CLEC6A: variants seen among roughly 807,000 people sequenced by gnomAD.
The protein encoded by CLEC6A is C-type lectin domain family 6 member A.
Under a neutral mutation model 25.7 loss-of-function variants are expected in CLEC6A, and 22 were observed. The observed-to-expected ratio is 0.85, with a 90% confidence interval of 0.61 to 1.22. The LOEUF is 1.22. Ranked by LOEUF, CLEC6A falls within the 50% of genes most tolerant of loss-of-function variation. The pLI, the probability that CLEC6A is intolerant of heterozygous loss-of-function variation, is 0.00. For synonymous variants in CLEC6A, 92 were observed against 76.7 expected (o/e 1.20, Z -1.04); for missense variants, 240 against 236.8 (o/e 1.01, Z -0.09).
intron 1 of CLEC6A, 35 bp downstream of exon 1, chr12:8,456,177 G>A: frequency 1.2e-6 from 2 of 1,608,092 alleles, no homozygotes; most frequent in South Asian, 1.1e-5. Flanking sequence ...GAAAGTGGAA[G>A]TGTATGGTGA....
rs889973207 is a variant in CLEC6A at position 8,471,190 on chromosome 12, G to A, written c.370-4935G>A. On this transcript the variant is annotated intron_variant, in intron 4 of 5. Transcript: ENST00000382073. ...TTTTAGTATATTATTGGAGTGGTTT[G>A]TAGTATTCTGCTGAGAGTTTTTATA... is the stretch of plus-strand genomic sequence containing the variant. 3.3e-5 allele frequency among the ~76,000 whole-genome samples: 5 copies of A among 152,106 alleles called. No individual in the cohort carries two copies. The East Asian group carries it at 9.6e-4, about 29-fold the overall frequency.
intron 4 of CLEC6A, among the ~76,000 whole-genome samples, chr12:8,467,747 C>G (rs927118991): frequency 6.6e-6 from 1 of 152,088 alleles, no homozygotes; most frequent in Non-Finnish European, 1.5e-5. Context: ...TGGTAGGGAT[C>G]ACATTGACTC....
At chr12:8,475,083 C>CTT (rs1190293251) in intron 4 of CLEC6A, among the ~76,000 whole-genome samples, 1 of 152,040 alleles carries the variant, frequency 6.6e-6, no homozygotes, top group Non-Finnish European at 1.5e-5. Context: ...CGCCCTGTGT[C>CTT]TAAGTGTTCT....
At chr12:8,476,957 G>A (rs1156518280) in intron 5 of CLEC6A, among the ~76,000 whole-genome samples, 1 of 152,078 alleles carries the variant, frequency 6.6e-6, no homozygotes, top group East Asian at 1.9e-4. Context: ...GAATAAAGAA[G>A]CTTAGGAAGG....
intron 4 of CLEC6A, 27 bp downstream of exon 4, chr12:8,465,656 A>G: frequency 6.3e-7 from 1 of 1,591,352 alleles, no homozygotes; most frequent in Admixed American, 1.7e-5. Flanking sequence ...AAATTTATTT[A>G]ATTGTAGAGA....
chr12:8,476,400 C>A (rs142003978), intron 5 of CLEC6A, among the ~76,000 whole-genome samples, 160 bp downstream of exon 5: 2,066 of 152,198 alleles, frequency 0.014, 31 homozygotes, highest in Middle Eastern at 0.031. Flanking sequence ...ATGAAAACTT[C>A]TCTTTTTATG....
intron 5 of CLEC6A, among the ~76,000 whole-genome samples, chr12:8,476,971 T>C (rs1163988851): frequency 1.3e-5 from 2 of 152,020 alleles, no homozygotes; most frequent in African/African-American, 4.8e-5. Context: ...AGGAAGGTGA[T>C]AAGAATACAT....
At chr12:8,476,595 T>G (rs972533855) in intron 5 of CLEC6A, among the ~76,000 whole-genome samples, 2 of 152,112 alleles carry the variant, frequency 1.3e-5, no homozygotes, top group Non-Finnish European at 2.9e-5. Context: ...ACTTAAAATA[T>G]CTGGGTCAGA....
At chr12:8,477,192 A>C in intron 5 of CLEC6A, 128 bp from the exon 6 acceptor site, 2 of 698,406 alleles carry the variant, frequency 2.9e-6, no homozygotes, top group Non-Finnish European at 4.7e-6. Context: ...GTAGTATGAG[A>C]AGAAGGAACA....
In CLEC6A at chr12:8,477,443, G is replaced by A; in HGVS notation, c.609G>A (p.Glu203=). The A allele has an allele frequency of 6.2e-7, 1 of 1,607,816 alleles. No individual in the cohort carries two copies. The highest frequency in any genetic ancestry group is 8.5e-7 in the Non-Finnish European group (1 of 1,177,130). ...ICETRRNSIC[E]MNKIYL ...AAACTAGAAGGAATTCAATATGTGA[G>A]ATGAATAAGATTTACCTATGAGTAG... Residue 203 remains glutamate, a synonymous_variant, in exon 6 of 6, where the codon GAG becomes GAA. Transcript: ENST00000382073.
At chr12:8,456,939 G>A (rs190291259) in intron 1 of CLEC6A, among the ~76,000 whole-genome samples, 20 of 152,110 alleles carry the variant, frequency 1.3e-4, no homozygotes, top group East Asian at 9.7e-4. Context: ...GTGAAATCCC[G>A]TCTCTAATAA....
chr12:8,459,153 T>C (rs1172175269), intron 2 of CLEC6A, among the ~76,000 whole-genome samples: 1 of 152,140 alleles, frequency 6.6e-6, no homozygotes, highest in African/African-American at 2.4e-5. Context: ...TTTGTGACAG[T>C]TACCCTTGTA....
intron 4 of CLEC6A, among the ~76,000 whole-genome samples, chr12:8,475,468 T>G (rs1939961612): frequency 6.6e-6 from 1 of 151,938 alleles, no homozygotes; most frequent in Non-Finnish European, 1.5e-5. Context: ...CATCTGGAAG[T>G]AGGAGACCTA....
chr12:8,469,184 A>G (rs964244823), intron 4 of CLEC6A, among the ~76,000 whole-genome samples: 1 of 152,166 alleles, frequency 6.6e-6, no homozygotes, highest in East Asian at 1.9e-4. Context: ...AACCCCTTTT[A>G]CAGTAGCTGC....
At chr12:8,462,603 A>T (rs1229429575) in intron 3 of CLEC6A, among the ~76,000 whole-genome samples, 1 of 142,950 alleles carries the variant, frequency 7.0e-6, no homozygotes, top group Non-Finnish European at 1.5e-5. Context: ...ACAGCACTTA[A>T]TTCTTTACCT....
chr12:8,458,649 A>G (rs1424292853), intron 2 of CLEC6A, among the ~76,000 whole-genome samples: 1 of 152,214 alleles, frequency 6.6e-6, no homozygotes, highest in African/African-American at 2.4e-5. Context: ...TAGTTCCCTC[A>G]GAGATTTAAA....
rs765676874 is a variant in CLEC6A at position 8,476,212 on chromosome 12, G to T, written c.457G>T (p.Asp153Tyr). 3 of 1,606,008 alleles carry T rather than the reference G, an allele frequency of 1.9e-6. No homozygotes were observed. In the East Asian group the frequency reaches 6.7e-5, roughly 36 times the overall value. The change falls in exon 5 of 6, where the codon GAT (aspartate) becomes TAT (tyrosine). Residue 153 changes from aspartate to tyrosine, a missense_variant. Coordinates refer to ENST00000382073, the MANE Select transcript of CLEC6A (RefSeq NM_001007033.2). ...AGGTAATAATAATTGGCAATGGATTGATAAGACACCTTATGAGAAAAATGT... is the reference window on the plus strand; with the variant it reads ...AGGTAATAATAATTGGCAATGGATTTATAAGACACCTTATGAGAAAAATGT... ...PQGNNNWQWIDKTPYEKNVRF... is the reference protein window; with the variant it reads ...PQGNNNWQWIYKTPYEKNVRF...
At chr12:8,465,106 C>T (rs1939812591) in intron 3 of CLEC6A, among the ~76,000 whole-genome samples, 1 of 152,122 alleles carries the variant, frequency 6.6e-6, no homozygotes, top group African/African-American at 2.4e-5. Context: ...ATTTTGAAAA[C>T]CTAAGGCTCT....
At position 8,456,075 on chromosome 12, in the gene CLEC6A, AG is replaced by A. The variant is rs764761233; in HGVS notation, c.-35del. 4.3e-6 allele frequency: 7 copies of A among 1,611,082 alleles called. No individual in the cohort carries two copies. In the East Asian group the frequency reaches 1.6e-4, roughly 36 times the overall value. On this transcript the variant is annotated 5_prime_UTR_variant, in exon 1 of 6. Coordinates refer to ENST00000382073, the MANE Select transcript of CLEC6A (RefSeq NM_001007033.2). ...ACATCTTTAGGGAGAGAGGTACAAA[AG>A]GTTCCTGGACCTTCTCAACACAGGG... is the stretch of plus-strand genomic sequence containing the variant.
Sources: allele counts gnomAD v4.1 joint callset (sites outside exome capture counted in the v4.1 genomes callset), GRCh38; gene constraint gnomAD v4.1.1; transcripts MANE v1.5; gene names NCBI Gene and HGNC (gene_info 2026-07-23, HGNC 2026-07-21).